SPOCK1: variants seen among roughly 807,000 people sequenced by gnomAD.
SPOCK1 encodes SPARC (osteonectin), cwcv and kazal like domains proteoglycan 1, also known as testican-1.
SPOCK1 carries 23 observed loss-of-function variants against 55.3 expected under a neutral mutation model. The ratio of observed to expected loss-of-function variants is 0.42; its 90% confidence interval spans 0.30 to 0.59. The LOEUF (loss-of-function observed/expected upper bound fraction) is 0.59, where lower values mean the gene tolerates loss of function less well. SPOCK1 is among the 20% of genes least tolerant of loss of function. The probability of loss-of-function intolerance (pLI) is 0.22; values close to 1 mark genes in which losing one functional copy is unlikely to be tolerated. For synonymous variants in SPOCK1, 226 were observed against 221.0 expected, an observed-to-expected ratio of 1.02 and a Z score of -0.20; for missense variants, 499 against 552.5, an observed-to-expected ratio of 0.90 and a Z score of 0.97.
chr5:137,319,596 G>GAC (rs1757942895), intron 2 of SPOCK1, among the ~76,000 whole-genome samples: 1 of 152,204 alleles, frequency 6.6e-6, no homozygotes. Context: ...GCATCAGCAA[G>GAC]ACAGTAGAAT....
chr5:137,448,856 C>T (rs1753187890), intron 2 of SPOCK1, among the ~76,000 whole-genome samples: 1 of 152,216 alleles, frequency 6.6e-6, no homozygotes, highest in Non-Finnish European at 1.5e-5. Context: ...TCCCAACTTT[C>T]CTCCTCCCGT....
At position 137,312,668 on chromosome 5, in the gene SPOCK1, C is replaced by T. The variant is rs148077538; in HGVS notation, c.187-45613G>A. On this transcript the variant is annotated intron_variant, in intron 2 of 10. Coordinates refer to ENST00000394945, the MANE Select transcript of SPOCK1 (RefSeq NM_004598.4). ...GGAATGTGTGCTCTTTCAGGAGCAG[C>T]AGGCCCATCCTTCAAGCACACAGCG... Among the ~76,000 whole-genome samples, 7 of 152,270 alleles carry T rather than the reference C, an allele frequency of 4.6e-5. No individual in the cohort carries two copies. The East Asian group carries it at 1.2e-3, about 25-fold the overall frequency.
At chr5:137,133,892 T>C (rs528838973) in intron 4 of SPOCK1, among the ~76,000 whole-genome samples, 1 of 140,336 alleles carries the variant, frequency 7.1e-6, no homozygotes, top group East Asian at 2.1e-4. Flanking sequence ...GGGCAAGGAT[T>C]AGGAGAAAAG....
intron 4 of SPOCK1, 141 bp downstream of exon 4, chr5:137,140,439 C>T (rs1345361214): frequency 6.7e-6 from 4 of 593,546 alleles, no homozygotes; most frequent in South Asian, 2.2e-5. Flanking sequence ...AGTCAGAGTA[C>T]AGGCACCAAA....
chr5:137,489,402 T>A (rs919039377), intron 2 of SPOCK1, among the ~76,000 whole-genome samples: 3 of 152,126 alleles, frequency 2.0e-5, no homozygotes, highest in African/African-American at 7.2e-5. Context: ...AACACTATGA[T>A]CCTCTTATTT....
intron 3 of SPOCK1, among the ~76,000 whole-genome samples, chr5:137,239,680 A>G (rs567898554): frequency 1.3e-5 from 2 of 152,206 alleles, no homozygotes; most frequent in African/African-American, 2.4e-5. Context: ...TGGAAAAAAA[A>G]AATTCAGACA....
chr5:137,101,432 G>A (rs1281019984), intron 5 of SPOCK1, among the ~76,000 whole-genome samples: 1 of 152,206 alleles, frequency 6.6e-6, no homozygotes, highest in African/African-American at 2.4e-5. Flanking sequence ...CAACAAGAAG[G>A]TATTCTTCCT....
intron 2 of SPOCK1, among the ~76,000 whole-genome samples, chr5:137,384,576 A>G (rs866836023): frequency 1.4e-5 from 2 of 140,226 alleles, no homozygotes; most frequent in African/African-American, 2.8e-5. Context: ...ATATATATAT[A>G]TATGTATGTA....
chr5:137,266,468 G>A (rs1329655250), intron 3 of SPOCK1, among the ~76,000 whole-genome samples: 1 of 152,164 alleles, frequency 6.6e-6, no homozygotes, highest in African/African-American at 2.4e-5. Context: ...GGGGGAATGG[G>A]GGTGGAGAAA....
At chr5:137,057,651 C>T (rs1165977807) in intron 6 of SPOCK1, among the ~76,000 whole-genome samples, 3 of 152,186 alleles carry the variant, frequency 2.0e-5, no homozygotes, top group Non-Finnish European at 4.4e-5. Context: ...CCTTTCTTTG[C>T]TCTCTGCCCT....
intron 6 of SPOCK1, among the ~76,000 whole-genome samples, chr5:137,034,639 G>A (rs534023835): frequency 1.3e-5 from 2 of 152,284 alleles, no homozygotes; most frequent in Non-Finnish European, 2.9e-5. Context: ...GTCTCAGAGA[G>A]GTTAAATGAT....
chr5:137,250,437 C>T (rs759590190), intron 3 of SPOCK1, among the ~76,000 whole-genome samples: 2 of 152,140 alleles, frequency 1.3e-5, no homozygotes, highest in Non-Finnish European at 2.9e-5. Context: ...ATGCTCAGCA[C>T]GTACTAGTTT....
At chr5:137,422,952 G>A (rs1311692769) in intron 2 of SPOCK1, among the ~76,000 whole-genome samples, 2 of 151,866 alleles carry the variant, frequency 1.3e-5, no homozygotes, top group Non-Finnish European at 2.9e-5. Flanking sequence ...GTGACGTACA[G>A]ATGGGGTTTT....
At chr5:137,178,985 T>A (rs1375858641) in intron 3 of SPOCK1, among the ~76,000 whole-genome samples, 2 of 152,214 alleles carry the variant, frequency 1.3e-5, no homozygotes, top group Non-Finnish European at 2.9e-5. Flanking sequence ...ATAACAATGG[T>A]GTGTTGGGTA....
chr5:137,189,932 T>G (rs1023566098), intron 3 of SPOCK1, among the ~76,000 whole-genome samples: 1 of 151,852 alleles, frequency 6.6e-6, no homozygotes, highest in Non-Finnish European at 1.5e-5. Context: ...GGTACAAGAC[T>G]TCATAATAGG....
chr5:137,254,627 C>A (rs1471639126), intron 3 of SPOCK1, among the ~76,000 whole-genome samples: 8 of 152,338 alleles, frequency 5.3e-5, no homozygotes, highest in African/African-American at 1.7e-4. Context: ...ATTTCCCACC[C>A]GTGTAAAGCC....
intron 2 of SPOCK1, among the ~76,000 whole-genome samples, chr5:137,442,610 C>T (rs541526117): frequency 3.3e-5 from 5 of 152,304 alleles, no homozygotes; most frequent in South Asian, 2.1e-4. Flanking sequence ...TCACACTAAC[C>T]GAGGATCCCA....
chr5:137,017,698 TGTAA>T (rs763887238), intron 6 of SPOCK1, among the ~76,000 whole-genome samples: 2 of 152,186 alleles, frequency 1.3e-5, no homozygotes, highest in Non-Finnish European at 2.9e-5. Flanking sequence ...AACACATCAT[TGTAA>T]GTTTTACAGG....
intron 2 of SPOCK1, among the ~76,000 whole-genome samples, chr5:137,452,872 G>T (rs565095863): frequency 2.0e-3 from 297 of 152,218 alleles, no homozygotes; most frequent in African/African-American, 6.6e-3. Context: ...TATCGCTTTT[G>T]GTCCTGGTGC....
Sources: allele counts gnomAD v4.1 joint callset (sites outside exome capture counted in the v4.1 genomes callset), GRCh38; gene constraint gnomAD v4.1.1; transcripts MANE v1.5; gene names NCBI Gene and HGNC (gene_info 2026-07-23, HGNC 2026-07-21).